The following SEMA4D variants were observed in gnomAD, a reference collection of about 807,000 sequenced individuals.
SEMA4D encodes the protein semaphorin-4D.
SEMA4D carries 22 observed loss-of-function variants against 74.8 expected under a neutral mutation model. That is an observed-to-expected ratio of 0.29 (90% CI 0.21 to 0.42). The LOEUF is 0.42. SEMA4D is among the 10% of genes least tolerant of loss of function. SEMA4D has a pLI of 1.00. For synonymous variants in SEMA4D, 445 were observed against 463.7 expected (o/e 0.96, Z 0.52); for missense variants, 937 against 1,118.4 (o/e 0.84, Z 2.31).
At chr9:89,424,230 G>A (rs1403573690) in intron 2 of SEMA4D, among the ~76,000 whole-genome samples, 1 of 152,164 alleles carries the variant, frequency 6.6e-6, no homozygotes, top group Non-Finnish European at 1.5e-5. Context: ...GGACTGTAAG[G>A]CATGGACGTT....
intron 1 of SEMA4D, among the ~76,000 whole-genome samples, chr9:89,465,274 C>T (rs1302219516): frequency 6.6e-6 from 1 of 152,190 alleles, no homozygotes; most frequent in Non-Finnish European, 1.5e-5. Context: ...CCCCAGGAAA[C>T]CAGCACCATC....
intron 2 of SEMA4D, chr9:89,418,980 C>T (rs1846317736): frequency 1.0e-5 from 1 of 100,090 alleles, no homozygotes; most frequent in Non-Finnish European, 2.4e-5. Context: ...TCTACAGGAG[C>T]CCCCGTCCCT....
intron 4 of SEMA4D, among the ~76,000 whole-genome samples, chr9:89,401,353 A>G (rs995435218): frequency 3.3e-5 from 5 of 152,230 alleles, no homozygotes; most frequent in African/African-American, 1.2e-4. Context: ...CACAGCACCC[A>G]GCCAAATACT....
chr9:89,494,469 G>C (rs945010598), intron 1 of SEMA4D, among the ~76,000 whole-genome samples: 12 of 152,178 alleles, frequency 7.9e-5, no homozygotes, highest in Non-Finnish European at 1.3e-4. Flanking sequence ...CCTTCCAGAT[G>C]GGCTTCCGTG....
rs939953470 is a variant in SEMA4D, at chr9:89,492,164, C to T, written c.-310+5755G>A. On this transcript the variant is annotated intron_variant, in intron 1 of 15. Transcript: ENST00000422704. The surrounding 1 kb of genome is among the most constrained non-coding windows in gnomAD (Gnocchi z 4.3). ...CTCCTTCCTTCTCTCAAGAAACTCA[C>T]CCCATACTTCAGCCCACCATCCCAG... Among the ~76,000 whole-genome samples, 19 of 152,168 alleles carry T rather than the reference C, an allele frequency of 1.2e-4. No homozygotes were observed. Among genetic ancestry groups the T allele is most frequent in the South Asian group, 2.1e-4 (1 of 4,818 alleles).
chr9:89,465,641 T>C (rs771086919), intron 1 of SEMA4D, among the ~76,000 whole-genome samples: 2 of 152,148 alleles, frequency 1.3e-5, no homozygotes, highest in Non-Finnish European at 2.9e-5. Flanking sequence ...AAGAAAAAAA[T>C]AATACAGAGT....
At chr9:89,402,823 C>A (rs768249383) in intron 4 of SEMA4D, 48 bp downstream of exon 4, 2 of 1,583,908 alleles carry the variant, frequency 1.3e-6, no homozygotes, top group East Asian at 2.3e-5. Flanking sequence ...GGAGAGGCTG[C>A]CCACTCAAGC....
At chr9:89,430,093 T>C (rs760353726) in intron 2 of SEMA4D, among the ~76,000 whole-genome samples, 3 of 151,966 alleles carry the variant, frequency 2.0e-5, no homozygotes, top group Non-Finnish European at 2.9e-5. Context: ...CAGGCTGGGA[T>C]GGCAAGTCAT....
intron 5 of SEMA4D, among the ~76,000 whole-genome samples, chr9:89,398,009 C>T (rs1246385969): frequency 6.6e-6 from 1 of 152,090 alleles, no homozygotes; most frequent in African/African-American, 2.4e-5. Context: ...ATCCAAAAGT[C>T]CCAGTGATAG....
At chr9:89,366,538 T>G (rs1833699282) in intron 16 of SEMA4D, among the ~76,000 whole-genome samples, 1 of 152,174 alleles carries the variant, frequency 6.6e-6, no homozygotes. Flanking sequence ...AACTTAACAC[T>G]CTATAATTTG....
chr9:89,434,402 T>A (rs575498290), intron 2 of SEMA4D, among the ~76,000 whole-genome samples: 1 of 152,330 alleles, frequency 6.6e-6, no homozygotes, highest in East Asian at 1.9e-4. Context: ...AATCTATTGC[T>A]TCTTTGGGTT....
chr9:89,362,391 C>T (rs777861625), exon 19 of SEMA4D: 64 of 1,613,980 alleles, frequency 4.0e-5, no homozygotes, highest in Non-Finnish European at 5.2e-5. Flanking sequence ...TCAGGGACTC[C>T]TTCCTGGTGG....
chr9:89,443,113 C>T (rs533149420), intron 2 of SEMA4D, among the ~76,000 whole-genome samples: 1 of 152,318 alleles, frequency 6.6e-6, no homozygotes, highest in Admixed American at 6.5e-5. Context: ...CAGGAGGTGA[C>T]TCACAGTCCA....
downstream of SEMA4D, chr9:89,377,183 C>T (rs957639407): frequency 1.5e-6 from 2 of 1,365,780 alleles, no homozygotes; most frequent in Non-Finnish European, 9.6e-7. Context: ...CCGCCTGGGC[C>T]ATGCAGGGGC....
At chr9:89,432,618 A>G (rs1849520598) in intron 2 of SEMA4D, among the ~76,000 whole-genome samples, 1 of 152,212 alleles carries the variant, frequency 6.6e-6, no homozygotes, top group Non-Finnish European at 1.5e-5. Flanking sequence ...ATGATACTTA[A>G]TACCCATATG....
chr9:89,455,657 T>C (rs1855758874), intron 2 of SEMA4D, among the ~76,000 whole-genome samples: 1 of 152,146 alleles, frequency 6.6e-6, no homozygotes, highest in Admixed American at 6.5e-5. Flanking sequence ...CCACTCTGAC[T>C]TCCTCTATAT....
intron 2 of SEMA4D, among the ~76,000 whole-genome samples, chr9:89,422,709 C>T (rs1217388575): frequency 6.6e-6 from 1 of 152,204 alleles, no homozygotes; most frequent in African/African-American, 2.4e-5. Flanking sequence ...TTTTCTTTAA[C>T]CACCAGCAGT....
chr9:89,418,439 T>A, intron 2 of SEMA4D: 1 of 985,366 alleles, frequency 1.0e-6, no homozygotes, highest in Non-Finnish European at 1.2e-6. Context: ...TAGCAGAGTC[T>A]GTGAACCAAA....
intron 2 of SEMA4D, among the ~76,000 whole-genome samples, chr9:89,448,915 C>A (rs937613269): frequency 6.6e-6 from 1 of 152,140 alleles, no homozygotes; most frequent in Non-Finnish European, 1.5e-5. Flanking sequence ...GAAAGGGTTA[C>A]GTGGGGACCC....
Sources: gnomAD v4.1 joint callset for allele counts (sites outside exome capture counted in the v4.1 genomes callset) on GRCh38, gnomAD v4.1.1 for gene constraint, Gnocchi (gnomAD v3.1) non-coding constraint, MANE v1.5 for transcripts, NCBI Gene and HGNC (gene_info 2026-07-23, HGNC 2026-07-21) for gene names.